CDH4: variants seen among roughly 807,000 people sequenced by gnomAD.
CDH4 encodes the protein cadherin 4.
CDH4 carries 33 observed loss-of-function variants against 86.0 expected under a neutral mutation model. The ratio of observed to expected loss-of-function variants is 0.38; its 90% CI spans 0.29 to 0.51. The LOEUF (loss-of-function observed/expected upper bound fraction) is 0.51, where lower values mean the gene tolerates loss of function less well. Among genes scored for constraint, CDH4 ranks in the 20% least tolerant of loss-of-function variants. The probability of loss-of-function intolerance (pLI) is 0.86; values close to 1 mark genes in which losing one functional copy is unlikely to be tolerated. For synonymous variants in CDH4, 555 were observed against 549.4 expected (o/e 1.01, Z -0.14); for missense variants, 1,114 against 1,307.4 (o/e 0.85, Z 2.28).
chr20:61,806,573 ACG>A (rs916192391), intron 4 of CDH4, among the ~76,000 whole-genome samples: 1 of 110,702 alleles, frequency 9.0e-6, no homozygotes, highest in Non-Finnish European at 2.1e-5. Flanking sequence ...GTCCACGCGC[ACG>A]CACACACACA....
rs767237288 is a variant in CDH4 at position 61,681,737 on chromosome 20, C to A, written c.170-61826C>A. 1.4e-4 allele frequency among the ~76,000 whole-genome samples: 21 copies of A among 152,272 alleles called. No individual in the cohort carries two copies. The highest frequency in any genetic ancestry group is 3.4e-3 in the Middle Eastern group (1 of 292). ...GCTCAGTGCATGTGGAGCTGCCACC[C>A]TAGAAAGCCCTGCGTCGGTGTTGCT... On this transcript the variant is annotated intron_variant, in intron 2 of 15. Transcript: ENST00000614565. The surrounding 1 kb of genome is among the most constrained non-coding windows in gnomAD (Gnocchi z 4.5).
rs1484699517 is a variant in CDH4, at chr20:61,845,656, C to A, written c.732+833C>A. ...GGCAGATGCTGTCGCCTCTCCTGGC[C>A]TCAGTCCCTGCTCCTCCTCATGGGG... is the stretch of plus-strand genomic sequence containing the variant. On this transcript the variant is annotated intron_variant, in intron 5 of 15. Coordinates refer to ENST00000614565, the MANE Select transcript of CDH4 (RefSeq NM_001794.5). Among the ~76,000 whole-genome samples the A allele has an allele frequency of 2.0e-5, 3 of 152,312 alleles. No homozygotes were observed. In the East Asian group the frequency reaches 5.8e-4, roughly 29 times the overall value.
At chr20:61,732,571 C>T (rs1258892661) in intron 2 of CDH4, among the ~76,000 whole-genome samples, 1 of 152,214 alleles carries the variant, frequency 6.6e-6, no homozygotes, top group Admixed American at 6.5e-5. Flanking sequence ...GGCACCAACA[C>T]AGCCTTCCAC....
chr20:61,379,502 A>AT (rs1320705041), intron 2 of CDH4, among the ~76,000 whole-genome samples: 1 of 151,954 alleles, frequency 6.6e-6, no homozygotes, highest in Non-Finnish European at 1.5e-5. Flanking sequence ...CCTGAAGGTC[A>AT]TTAAGAAAAT....
intron 2 of CDH4, among the ~76,000 whole-genome samples, chr20:61,613,587 G>C (rs973113377): frequency 7.4e-5 from 6 of 81,516 alleles, no homozygotes; most frequent in Admixed American, 3.3e-4. Flanking sequence ...TGGAAAAAAG[G>C]CTTCAAAAGA....
intron 2 of CDH4, among the ~76,000 whole-genome samples, chr20:61,542,676 T>C (rs912439631): frequency 1.4e-4 from 21 of 152,216 alleles, no homozygotes; most frequent in Non-Finnish European, 1.5e-5. Flanking sequence ...AAGGGAATAT[T>C]TATAATCAGA....
chr20:61,333,407 C>G (rs536645167), intron 2 of CDH4, among the ~76,000 whole-genome samples: 1 of 152,192 alleles, frequency 6.6e-6, no homozygotes, highest in South Asian at 2.1e-4. Flanking sequence ...AATGTGGCTC[C>G]TGAAGCTCTG....
intron 2 of CDH4, among the ~76,000 whole-genome samples, chr20:61,401,948 T>C (rs1398066947): frequency 1.3e-5 from 2 of 152,230 alleles, no homozygotes; most frequent in Non-Finnish European, 2.9e-5. Flanking sequence ...ATGCATTTAA[T>C]GATGGACTTC....
chr20:61,518,259 G>C lies in CDH4; in HGVS notation c.170-225304G>C, dbSNP rs2085838907. 6.6e-6 allele frequency among the ~76,000 whole-genome samples: 1 copy of C among 152,156 alleles called. No homozygotes were observed. Among genetic ancestry groups the C allele is most frequent in the Admixed American group, 6.5e-5 (1 of 15,282 alleles). ...CCTCTCCACAGGCTGACTGCATGGT[G>C]GTGGTATAATTCCCACTATAAAGTG... On this transcript the variant is annotated intron_variant, in intron 2 of 15. Coordinates refer to ENST00000614565, the MANE Select transcript of CDH4 (RefSeq NM_001794.5). The surrounding 1 kb of genome is among the most constrained non-coding windows in gnomAD (Gnocchi z 6.3).
In CDH4 at chr20:61,708,857, C is replaced by CCCG. The variant is rs1440292943; in HGVS notation, c.170-34704_170-34702dup. On this transcript the variant is annotated intron_variant, in intron 2 of 15. Transcript: ENST00000614565. This position sits in a 1 kb window ranked among gnomAD's most constrained non-coding sequence, Gnocchi z 4.5. ...GGGCATTGGCAGACGTGCAGAACAC[C>CCCG]CCGCGTGCAATCTTTTCCTGGTAAT... 5.3e-5 allele frequency among the ~76,000 whole-genome samples: 8 copies of CCCG among 152,214 alleles called. No individual in the cohort carries two copies. The highest frequency in any genetic ancestry group is 1.9e-4 in the African/African-American group (8 of 41,456).
chr20:61,578,100 A>C (rs1276362219), intron 2 of CDH4, among the ~76,000 whole-genome samples: 2 of 152,134 alleles, frequency 1.3e-5, no homozygotes, highest in Admixed American at 6.6e-5. Context: ...ACTCAAGTTA[A>C]GGTGTCATTC....
In CDH4 at chr20:61,865,754, C is replaced by T. The variant is rs1176411435; in HGVS notation, c.878-7974C>T. Among the ~76,000 whole-genome samples the T allele has an allele frequency of 4.0e-5, 6 of 151,340 alleles. No individual in the cohort carries two copies. In the East Asian group the frequency reaches 1.2e-3, roughly 30 times the overall value. Reference sequence around the variant, plus strand: ...GTTAGTGTAGATGATAGCTGGCTTCCTGACTGGTTAGTGTATGTAATGGGT... The same window carrying T: ...GTTAGTGTAGATGATAGCTGGCTTCTTGACTGGTTAGTGTATGTAATGGGT... On this transcript the variant is annotated intron_variant, in intron 6 of 15. Coordinates refer to ENST00000614565, the MANE Select transcript of CDH4 (RefSeq NM_001794.5).
chr20:61,588,435 G>C (rs772740660), intron 2 of CDH4, among the ~76,000 whole-genome samples: 1 of 152,208 alleles, frequency 6.6e-6, no homozygotes, highest in Non-Finnish European at 1.5e-5. Context: ...CCAAGGACCA[G>C]CTCTAGGCCC....
chr20:61,840,031 A>C (rs1452966333), intron 4 of CDH4, among the ~76,000 whole-genome samples: 1 of 152,120 alleles, frequency 6.6e-6, no homozygotes, highest in Non-Finnish European at 1.5e-5. Flanking sequence ...ACTTTCTCCA[A>C]GGCCTTCCTT....
intron 2 of CDH4, among the ~76,000 whole-genome samples, chr20:61,592,838 G>GA: frequency 6.6e-6 from 1 of 152,170 alleles, no homozygotes. Context: ...GGTGAGGAAG[G>GA]AAAAATAATG....
chr20:61,756,901 G>T (rs1296206801), intron 3 of CDH4, among the ~76,000 whole-genome samples: 1 of 152,166 alleles, frequency 6.6e-6, no homozygotes, highest in Non-Finnish European at 1.5e-5. Context: ...CGAGGTGGGG[G>T]TCCAAGTTTG....
chr20:61,461,873 G>C (rs945354598), intron 2 of CDH4, among the ~76,000 whole-genome samples: 5 of 152,292 alleles, frequency 3.3e-5, no homozygotes, highest in African/African-American at 1.2e-4. Context: ...CAAAGCTCTG[G>C]AGTGCCGTGT....
intron 2 of CDH4, among the ~76,000 whole-genome samples, chr20:61,707,925 G>A (rs1361340263): frequency 6.6e-6 from 1 of 152,154 alleles, no homozygotes; most frequent in African/African-American, 2.4e-5. Context: ...TTGTTTCCAC[G>A]TTATGCCTGC....
rs147794085 is a variant in CDH4, at chr20:61,845,286, C to A, written c.732+463C>A. Among the ~76,000 whole-genome samples, 446 of 152,394 alleles carry A rather than the reference C, an allele frequency of 2.9e-3. 2 individuals carry two copies. The highest frequency in any genetic ancestry group is 0.01 in the African/African-American group (429 of 41,604). ...TAGGCTGGGACAATAGTCCTGCAAG[C>A]TTTTCATTTCCTCCGACGTCTCTCG... On this transcript the variant is annotated intron_variant, in intron 5 of 15. Transcript: ENST00000614565.
Sources: gnomAD v4.1 joint callset for allele counts (sites outside exome capture counted in the v4.1 genomes callset) on GRCh38, gnomAD v4.1.1 for gene constraint, Gnocchi (gnomAD v3.1) non-coding constraint, MANE v1.5 for transcripts, NCBI Gene and HGNC (gene_info 2026-07-23, HGNC 2026-07-21) for gene names.